The following ZDHHC24 variants were observed in gnomAD, a reference collection of about 807,000 sequenced individuals.
The protein encoded by ZDHHC24 is zDHHC palmitoyltransferase 24.
A neutral mutation model predicts 23.2 loss-of-function variants in ZDHHC24; 17 were observed. The observed-to-expected ratio is 0.73, with a 90% confidence interval of 0.50 to 1.10. The LOEUF (loss-of-function observed/expected upper bound fraction) is 1.10. Ranked by LOEUF, ZDHHC24 falls within the 50% of genes least tolerant of loss-of-function variation. The pLI is 0.00. For synonymous variants in ZDHHC24, 186 were observed against 194.5 expected (o/e 0.96, Z 0.36); for missense variants, 366 against 393.0 (o/e 0.93, Z 0.58).
Position 66,545,632 on chromosome 11 carries a change from T to G in ZDHHC24, c.281+91A>C. On this transcript the variant is annotated intron_variant, in intron 1 of 2. Transcript: ENST00000310442. This position sits in a 1 kb window ranked among gnomAD's most constrained non-coding sequence, Gnocchi z 4.5. The stretch of plus-strand genomic sequence containing the variant: ...CTGATTCTAACAACCTGGATCCTAA[T>G]GTAACCCGGTTCTAACATCTCAGGT... 7.5e-7 allele frequency: 1 copy of G among 1,341,868 alleles called. No individual in the cohort carries two copies. The highest frequency in any genetic ancestry group is 1.6e-5 in the South Asian group (1 of 62,176). 83.1% of individuals were successfully genotyped at this position (1,341,868 alleles called of 1,614,324 possible). A position where few individuals can be genotyped will look rare whatever the true frequency, so the allele number is the denominator to read the frequency against.
chr11:66,538,462 G>A lies in ZDHHC24; in HGVS notation c.*1067C>T, dbSNP rs1482438819. On this transcript the variant is annotated 3_prime_UTR_variant, in exon 3 of 3. Coordinates refer to ENST00000310442, the MANE Select transcript of ZDHHC24 (RefSeq NM_207340.3). ...GGTGTCTGTAATCCCAGCAACTCGG[G>A]AGGCCGAATCACTTGAACCCGGGAG... 1 of 151,900 alleles carries A rather than the reference G, an allele frequency of 6.6e-6. No homozygotes were observed. Among genetic ancestry groups the A allele is most frequent in the African/African-American group, 2.4e-5 (1 of 41,360 alleles). 9.4% of individuals were successfully genotyped at this position (151,900 alleles called of 1,614,324 possible).
rs777100426 is a variant in ZDHHC24, at chr11:66,543,986, AG to A, written c.282-6del. 1 of 1,612,338 alleles carries A rather than the reference AG, an allele frequency of 6.2e-7. No individual in the cohort carries two copies. Among genetic ancestry groups the A allele is most frequent in the East Asian group, 2.2e-5 (1 of 44,842 alleles). On this transcript the variant is annotated splice_region_variant and splice_polypyrimidine_tract_variant and intron_variant, in intron 1 of 2. Coordinates refer to ENST00000310442, the MANE Select transcript of ZDHHC24 (RefSeq NM_207340.3). ...CTTTGGCATTGGTAGCAGTAACTGC[AG>A]GAAGGAACCACAGCGTCAGTTCCCC...
intron 4 of ZDHHC24, among the ~76,000 whole-genome samples, chr11:66,522,212 T>C (rs2134789244): frequency 6.7e-6 from 1 of 149,954 alleles, no homozygotes; most frequent in South Asian, 2.1e-4. Flanking sequence ...CGAGACTCTG[T>C]CTCAAAAAAA....
At chr11:66,526,545 G>A in intron 4 of ZDHHC24, 3 of 1,447,632 alleles carry the variant, frequency 2.1e-6, no homozygotes, top group Non-Finnish European at 2.9e-6. Flanking sequence ...AGACGGATGT[G>A]TACAGAAGCA....
chr11:66,541,711 C>T (rs1314721081), intron 2 of ZDHHC24, among the ~76,000 whole-genome samples: 5 of 152,126 alleles, frequency 3.3e-5, no homozygotes, highest in Non-Finnish European at 5.9e-5. Context: ...TCCCAGCCAT[C>T]GGTGATGCCA....
chr11:66,527,141 GGT>G, intron 3 of ZDHHC24: 1 of 865,362 alleles, frequency 1.2e-6, no homozygotes, highest in East Asian at 2.7e-5. Context: ...CTTTGGCAGA[GGT>G]GGGAGGACAG....
chr11:66,545,648 C>A lies in ZDHHC24; in HGVS notation c.281+75G>T, dbSNP rs1590799265. On this transcript the variant is annotated intron_variant, in intron 1 of 2. Coordinates refer to ENST00000310442, the MANE Select transcript of ZDHHC24 (RefSeq NM_207340.3). The surrounding 1 kb of genome is among the most constrained non-coding windows in gnomAD (Gnocchi z 4.5). ...GGATCCTAATGTAACCCGGTTCTAA[C>A]ATCTCAGGTCTTGGGGCCCCTCCCC... The A allele has an allele frequency of 4.3e-6, 6 of 1,391,906 alleles. No individual in the cohort carries two copies. In the Admixed American group the frequency reaches 1.9e-4, roughly 45 times the overall value. The allele number at this position is 1,391,906 out of a possible 1,614,324, so 86.2% of individuals were successfully genotyped here.
downstream of ZDHHC24, among the ~76,000 whole-genome samples, chr11:66,535,538 C>T (rs1856941006): frequency 6.6e-6 from 1 of 152,040 alleles, no homozygotes; most frequent in Non-Finnish European, 1.5e-5. Context: ...CTATGTTGCC[C>T]AGGCTCACAG....
At chr11:66,543,132 T>A (rs895295290) in intron 2 of ZDHHC24, among the ~76,000 whole-genome samples, 1 of 152,122 alleles carries the variant, frequency 6.6e-6, no homozygotes, top group Non-Finnish European at 1.5e-5. Flanking sequence ...GAGGCTTCTA[T>A]CTGTAGATGG....
chr11:66,531,152 A>C (rs2305533), downstream of ZDHHC24: 316,924 of 1,352,476 alleles, frequency 0.23, 38,896 homozygotes, highest in East Asian at 0.26. Context: ...TGGCCAGCAG[A>C]CCTACTCTCC....
intron 2 of ZDHHC24, chr11:66,529,770 C>T (rs776394601): frequency 1.2e-6 from 2 of 1,605,800 alleles, no homozygotes; most frequent in South Asian, 2.2e-5. Context: ...CTGCCTCCTC[C>T]CTGCCACCCC....
chr11:66,527,567 G>A (rs1321618298), intron 3 of ZDHHC24: 1 of 158,832 alleles, frequency 6.3e-6, no homozygotes. Flanking sequence ...TACTTGGGAG[G>A]CTGAGGCAGA....
intron 4 of ZDHHC24, chr11:66,526,702 G>A (rs1856517401): frequency 1.2e-6 from 2 of 1,614,232 alleles, no homozygotes; most frequent in South Asian, 1.1e-5. Context: ...TGTAGAGGGA[G>A]GAAGTGAGGT....
chr11:66,521,541 G>A, intron 4 of ZDHHC24: 1 of 680,874 alleles, frequency 1.5e-6, no homozygotes, highest in Admixed American at 2.1e-5. Flanking sequence ...GAGGATACCT[G>A]GAGGCTTGTG....
rs1857236381 is a variant in ZDHHC24, at chr11:66,543,991, G to A, written c.282-10C>T. The stretch of plus-strand genomic sequence containing the variant: ...GCATTGGTAGCAGTAACTGCAGGAA[G>A]GAACCACAGCGTCAGTTCCCCCAGC... On this transcript the variant is annotated splice_polypyrimidine_tract_variant and intron_variant, in intron 1 of 2. Transcript: ENST00000310442. The A allele has an allele frequency of 1.2e-6, 2 of 1,611,362 alleles. No individual in the cohort carries two copies. The highest frequency in any genetic ancestry group is 1.7e-6 in the Non-Finnish European group (2 of 1,178,150).
chr11:66,542,553 T>C (rs1857182379), intron 2 of ZDHHC24: 1 of 152,170 alleles, frequency 6.6e-6, no homozygotes, highest in Non-Finnish European at 1.5e-5. Flanking sequence ...AAGAGGAAGA[T>C]GGGTGGTTTG....
rs1274484067 is a variant in ZDHHC24, at chr11:66,539,378, T to C, written c.*151A>G. The C allele has an allele frequency of 5.1e-6, 7 of 1,366,020 alleles. No homozygotes were observed. Among genetic ancestry groups the C allele is most frequent in the Non-Finnish European group, 6.6e-6 (7 of 1,062,966 alleles). 84.6% of individuals were successfully genotyped at this position (1,366,020 alleles called of 1,614,324 possible). On this transcript the variant is annotated 3_prime_UTR_variant, in exon 3 of 3. Coordinates refer to ENST00000310442, the MANE Select transcript of ZDHHC24 (RefSeq NM_207340.3). ...AGTCACGGCCCAAGCCCTGGACACG[T>C]AGGAGTGTAGGCGGGCAGGGGCAAG...
At chr11:66,529,337 A>T in exon 3 of ZDHHC24, 3 of 1,534,750 alleles carry the variant, frequency 2.0e-6, no homozygotes. Flanking sequence ...CGCAGCATTG[A>T]GCCTGAGGTG....
chr11:66,535,648 T>C lies in ZDHHC24; in HGVS notation c.*3881A>G, dbSNP rs1232137220. On this transcript the variant is annotated 3_prime_UTR_variant, in exon 3 of 3. Transcript: ENST00000310442. ...ATCTTTATGGGAAAAGGTACACAAC[T>C]TTATTGAAAACATTGAGTGCAGAAA... Among the ~76,000 whole-genome samples, 1 of 152,106 alleles carries C rather than the reference T, an allele frequency of 6.6e-6. No homozygotes were observed. The highest frequency in any genetic ancestry group is 1.5e-5 in the Non-Finnish European group (1 of 68,036).
Sources: allele counts gnomAD v4.1 joint callset (sites outside exome capture counted in the v4.1 genomes callset), GRCh38; gene constraint gnomAD v4.1.1; non-coding constraint Gnocchi (gnomAD v3.1); transcripts MANE v1.5; gene names NCBI Gene and HGNC (gene_info 2026-07-23, HGNC 2026-07-21).